SPATA9: variants seen among roughly 807,000 people sequenced by gnomAD.
SPATA9 encodes spermatogenesis associated 9, also known as spermatogenesis-associated protein 9.
In SPATA9, 27 loss-of-function variants were observed where a neutral mutation model predicts 25.5. The observed-to-expected ratio is 1.06, with a 90% CI of 0.78 to 1.46. The LOEUF (loss-of-function observed/expected upper bound fraction) is 1.46. SPATA9 is among the 40% of genes most tolerant of loss of function. SPATA9 has a pLI of 0.00. For missense variants in SPATA9, 282 were observed against 297.5 expected (o/e 0.95, Z 0.38); for synonymous variants, 102 against 105.7 (o/e 0.97, Z 0.21).
intron 1 of SPATA9, among the ~76,000 whole-genome samples, chr5:95,695,659 G>T (rs1439288707): frequency 6.6e-6 from 1 of 152,076 alleles, no homozygotes; most frequent in Non-Finnish European, 1.5e-5. Context: ...CTCCCTAATA[G>T]CTTCTGTTTA....
downstream of SPATA9, chr5:95,652,611 A>G (rs764883717): frequency 4.2e-5 from 14 of 335,076 alleles, no homozygotes; most frequent in African/African-American, 6.3e-5. Context: ...ATTTTTCTGT[A>G]GCATCTTCAT....
At chr5:95,715,447 G>A in the SPATA9 span, among the ~76,000 whole-genome samples, 132 of 152,180 alleles carry the variant, frequency 8.7e-4, 2 homozygotes, top group African/African-American at 3.2e-3. Flanking sequence ...GAAAAGCACA[G>A]ACACTTAACA....
the SPATA9 span, among the ~76,000 whole-genome samples, chr5:95,709,777 TCA>T: frequency 1.3e-5 from 2 of 152,208 alleles, no homozygotes; most frequent in Non-Finnish European, 2.9e-5. Flanking sequence ...AAAGTCAATT[TCA>T]CACTTTTCTT....
chr5:95,685,433 G>C (rs556900322), upstream of SPATA9, among the ~76,000 whole-genome samples: 7 of 152,264 alleles, frequency 4.6e-5, no homozygotes, highest in South Asian at 1.0e-3. Flanking sequence ...TGCCATGTGA[G>C]ACTTCTTTAA....
upstream of SPATA9, among the ~76,000 whole-genome samples, chr5:95,700,241 G>T (rs190271894): frequency 2.0e-5 from 3 of 152,032 alleles, no homozygotes; most frequent in East Asian, 5.8e-4. Flanking sequence ...TTTTATTTTA[G>T]ATAGTAGTGG....
the SPATA9 span, among the ~76,000 whole-genome samples, chr5:95,730,586 C>T: frequency 1.3e-5 from 2 of 152,158 alleles, no homozygotes; most frequent in African/African-American, 4.8e-5. Flanking sequence ...GTGGCCATAA[C>T]GTGTACAGAA....
At chr5:95,674,564 C>A (rs1752737241) in intron 3 of SPATA9, 5 of 273,410 alleles carry the variant, frequency 1.8e-5, no homozygotes, top group South Asian at 1.3e-4. Context: ...AGCCAAGGAA[C>A]AGCTGCAAAT....
At chr5:95,654,111 C>CTG, downstream of SPATA9, 1 of 1,611,830 alleles carries the variant, frequency 6.2e-7, no homozygotes. Flanking sequence ...GAATATTCTT[C>CTG]TGTGTGTGTG....
At chr5:95,713,944 T>C in the SPATA9 span, among the ~76,000 whole-genome samples, 1 of 152,136 alleles carries the variant, frequency 6.6e-6, no homozygotes, top group Non-Finnish European at 1.5e-5. Context: ...GTATGCAAAG[T>C]ATACCTTTAT....
intron 1 of SPATA9, among the ~76,000 whole-genome samples, chr5:95,691,456 T>C (rs893799766): frequency 2.6e-5 from 4 of 152,174 alleles, no homozygotes; most frequent in Non-Finnish European, 5.9e-5. Flanking sequence ...CACGGATCTA[T>C]TTGTCTCCTT....
upstream of SPATA9, among the ~76,000 whole-genome samples, chr5:95,686,968 A>G (rs1753763694): frequency 6.6e-6 from 1 of 152,232 alleles, no homozygotes; most frequent in African/African-American, 2.4e-5. Flanking sequence ...AAAACAAAAA[A>G]GGGAAAAGAG....
rs573876661 is a variant in SPATA9 at position 95,696,989 on chromosome 5, A to G, written n.124+1599T>C. On this transcript the variant is annotated intron_variant and non_coding_transcript_variant, in intron 1 of 2. Coordinates refer to the SPATA9 transcript ENST00000379990. ...ATCCTCCACTTTGGCTCATTTACTAATGCATAATTTTATAACATCATGCAT... is the reference window on the plus strand; with the variant it reads ...ATCCTCCACTTTGGCTCATTTACTAGTGCATAATTTTATAACATCATGCAT... 1.5e-4 allele frequency among the ~76,000 whole-genome samples: 23 copies of G among 152,328 alleles called. No homozygotes were observed. In the South Asian group the frequency reaches 4.3e-3, roughly 29 times the overall value.
intron 4 of SPATA9, among the ~76,000 whole-genome samples, chr5:95,662,464 C>G (rs137859544): frequency 1.2e-4 from 18 of 152,288 alleles, no homozygotes; most frequent in African/African-American, 3.1e-4. Flanking sequence ...TTTGCCCAAG[C>G]TGGTCTCAAA....
downstream of SPATA9, chr5:95,657,556 A>C (rs1750834902): frequency 6.6e-6 from 1 of 152,136 alleles, no homozygotes; most frequent in African/African-American, 2.4e-5. Context: ...ATCTAAATCT[A>C]ATACTTAACA....
chr5:95,682,902 GGGTAATGCTTGTCCTA>G lies in SPATA9; in HGVS notation c.-64_-49del, dbSNP rs759982890. On this transcript the variant is annotated 5_prime_UTR_variant, in exon 1 of 5. The change abolishes the stop of an existing upstream ORF in the 5' untranslated region. Transcript: ENST00000274432. ...TAGTCCTTAACAAGCTTGCAGGCCTGGGTAATGCTTGTCCTAGTCTGCCATTAGTGAAAGATGAGGG... is the reference window on the plus strand; with the variant it reads ...TAGTCCTTAACAAGCTTGCAGGCCTGGTCTGCCATTAGTGAAAGATGAGGG... The G allele has an allele frequency of 2.7e-6, 4 of 1,466,224 alleles. No homozygotes were observed. The South Asian group carries it at 6.6e-5, about 24-fold the overall frequency. 90.8% of individuals were successfully genotyped at this position (1,466,224 alleles called of 1,614,324 possible).
the SPATA9 span, among the ~76,000 whole-genome samples, chr5:95,729,538 G>A: frequency 6.6e-6 from 1 of 152,118 alleles, no homozygotes; most frequent in Non-Finnish European, 1.5e-5. Flanking sequence ...ACACGCTCTA[G>A]TGTTTAGTTA....
At chr5:95,713,709 C>T in the SPATA9 span, 6 of 151,954 alleles carry the variant, frequency 3.9e-5, no homozygotes, top group Non-Finnish European at 7.4e-5. Context: ...TTACATCAGA[C>T]AGGTAAATTA....
intron 3 of SPATA9, among the ~76,000 whole-genome samples, chr5:95,669,297 G>A (rs1752126465): frequency 6.6e-6 from 1 of 152,026 alleles, no homozygotes; most frequent in Non-Finnish European, 1.5e-5. Flanking sequence ...TCTTTCCCCG[G>A]GTCTAGATTA....
chr5:95,656,520 A>G (rs1284699611), downstream of SPATA9: 2 of 467,940 alleles, frequency 4.3e-6, no homozygotes, highest in Admixed American at 3.8e-5. Flanking sequence ...AATCTTCTGG[A>G]TTAATTAGAA....
Sources: gnomAD v4.1 joint callset for allele counts (sites outside exome capture counted in the v4.1 genomes callset) on GRCh38, gnomAD v4.1.1 for gene constraint, MANE v1.5 for transcripts, NCBI Gene and HGNC (gene_info 2026-07-23, HGNC 2026-07-21) for gene names.